DGLUCY: variants seen among roughly 807,000 people sequenced by gnomAD.
DGLUCY encodes D-glutamate cyclase.
A neutral mutation model predicts 58.5 loss-of-function variants in DGLUCY; 58 were observed. The ratio of observed to expected loss-of-function variants is 0.99; its 90% CI spans 0.80 to 1.23. The LOEUF is 1.23. Ranked by LOEUF, DGLUCY falls within the 50% of genes most tolerant of loss-of-function variation. The pLI is 0.00. For missense variants in DGLUCY, 779 were observed against 784.7 expected (o/e 0.99, Z 0.09); for synonymous variants, 325 against 314.1 (o/e 1.03, Z -0.37).
Position 91,224,811 on chromosome 14 carries a change from A to T in DGLUCY, c.1844A>T (p.Asp615Val), listed in dbSNP as rs144631642. 100 of 1,612,952 alleles carry T rather than the reference A, an allele frequency of 6.2e-5. No individual in the cohort carries two copies. The African/African-American group carries it at 1.1e-3, about 18-fold the overall frequency. ...THAEMIQKLV[D>V]VTTAQV is the part of the protein sequence containing the mutation. ...GCCGAGATGATCCAGAAGCTGGTGG[A>T]CGTCACCACGGCACAGGTGTAACCG... Residue 615 changes from aspartate (D) to valine (V), a missense_variant, in exon 14 of 14, where the codon GAC (aspartate) becomes GTC (valine). Physicochemically the swap from Asp to Val is radical, Grantham distance 152 (BLOSUM62 -3). Coordinates refer to ENST00000256324, the MANE Select transcript of DGLUCY (RefSeq NM_001102368.3).
chr14:91,210,750 C>T (rs1332843543), intron 12 of DGLUCY, among the ~76,000 whole-genome samples: 2 of 152,186 alleles, frequency 1.3e-5, no homozygotes, highest in African/African-American at 4.8e-5. Context: ...AAAAAACCTA[C>T]AGCTAACATC....
chr14:91,078,041 T>C (rs1240167235), intron 1 of DGLUCY, among the ~76,000 whole-genome samples: 2 of 152,172 alleles, frequency 1.3e-5, no homozygotes, highest in Non-Finnish European at 2.9e-5. Flanking sequence ...TTATTGTTAT[T>C]ATTATTTTTG....
rs576829747 is a variant in DGLUCY, at chr14:91,203,931, C to T, written c.1445-775C>T. Among the ~76,000 whole-genome samples, 72 of 152,314 alleles carry T rather than the reference C, an allele frequency of 4.7e-4. 1 individual carries two copies. In the East Asian group the frequency reaches 0.014, roughly 29 times the overall value. On this transcript the variant is annotated intron_variant, in intron 11 of 13. Coordinates refer to ENST00000256324, the MANE Select transcript of DGLUCY (RefSeq NM_001102368.3). ...ATCTCAAGTGATCTCCCTGCCTTGG[C>T]CTCCCAAAGTGCTGGGATTACAGGC...
intron 1 of DGLUCY, among the ~76,000 whole-genome samples, chr14:91,122,754 G>A (rs560858863): frequency 1.4e-4 from 21 of 151,746 alleles, no homozygotes; most frequent in Admixed American, 2.0e-4. Context: ...GACTGTAGGC[G>A]CCTGCCACCA....
chr14:91,089,981 A>G (rs1471092888), intron 1 of DGLUCY, among the ~76,000 whole-genome samples: 1 of 152,162 alleles, frequency 6.6e-6, no homozygotes, highest in African/African-American at 2.4e-5. Context: ...ACCTCTATGC[A>G]CCCTACATAC....
chr14:91,172,113 G>A (rs779521975), intron 5 of DGLUCY, among the ~76,000 whole-genome samples: 9 of 152,058 alleles, frequency 5.9e-5, no homozygotes, highest in South Asian at 2.1e-4. Context: ...AGTTGCCCAG[G>A]CTGGAGTGGT....
chr14:91,176,950 T>C (rs1337906642), intron 7 of DGLUCY, among the ~76,000 whole-genome samples: 3 of 151,830 alleles, frequency 2.0e-5, no homozygotes, highest in African/African-American at 7.3e-5. Context: ...TCCCTTCTTC[T>C]TTCTTCTTTC....
intron 1 of DGLUCY, among the ~76,000 whole-genome samples, chr14:91,092,477 T>C (rs961956257): frequency 2.0e-5 from 3 of 152,234 alleles, no homozygotes; most frequent in South Asian, 2.1e-4. Context: ...ATCTTGAGTA[T>C]TGGTTAGATT....
At chr14:91,166,940 C>T (rs1287617329) in intron 3 of DGLUCY, among the ~76,000 whole-genome samples, 1 of 152,120 alleles carries the variant, frequency 6.6e-6, no homozygotes, top group East Asian at 1.9e-4. Flanking sequence ...CCAACATGGG[C>T]CAATAAATAT....
At chr14:91,220,402 T>G (rs1201126927) in intron 13 of DGLUCY, 1 of 439,230 alleles carries the variant, frequency 2.3e-6, no homozygotes, top group Non-Finnish European at 4.6e-6. Context: ...ATCATCATCA[T>G]CATCCTTCTT....
chr14:91,097,286 C>T (rs915846298), intron 1 of DGLUCY, among the ~76,000 whole-genome samples: 3 of 152,104 alleles, frequency 2.0e-5, no homozygotes, highest in Non-Finnish European at 4.4e-5. Context: ...GTCCCAGCTA[C>T]TTGGGAGGCT....
At chr14:91,157,040 T>C (rs1349338084) in intron 1 of DGLUCY, among the ~76,000 whole-genome samples, 1 of 152,172 alleles carries the variant, frequency 6.6e-6, no homozygotes, top group African/African-American at 2.4e-5. Context: ...AATGGATAGA[T>C]GGATGAATGA....
At chr14:91,141,906 C>A (rs985528956) in intron 1 of DGLUCY, among the ~76,000 whole-genome samples, 4 of 148,218 alleles carry the variant, frequency 2.7e-5, no homozygotes, top group Non-Finnish European at 4.4e-5. Context: ...AGTGCAGTGG[C>A]GTGATCTCGG....
chr14:91,217,702 G>A (rs575513049), intron 13 of DGLUCY, among the ~76,000 whole-genome samples: 11 of 151,938 alleles, frequency 7.2e-5, no homozygotes, highest in South Asian at 2.1e-4. Flanking sequence ...TGGCGAGGCT[G>A]GTCTTGAACT....
At chr14:91,209,720 A>G (rs1173022300) in intron 12 of DGLUCY, among the ~76,000 whole-genome samples, 2 of 152,196 alleles carry the variant, frequency 1.3e-5, no homozygotes, top group African/African-American at 4.8e-5. Context: ...AAAACAAAAA[A>G]GAAAATAAAA....
chr14:91,068,069 A>ACATGCG (rs1555387683), intron 1 of DGLUCY, among the ~76,000 whole-genome samples: 2 of 102,154 alleles, frequency 2.0e-5, no homozygotes, highest in Non-Finnish European at 3.9e-5. Flanking sequence ...GCACACACAC[A>ACATGCG]CACGCGCACG....
chr14:91,169,886 G>A (rs1208589970), intron 4 of DGLUCY, 117 bp from the exon 5 acceptor site: 10 of 1,083,554 alleles, frequency 9.2e-6, no homozygotes, highest in Non-Finnish European at 1.4e-5. Flanking sequence ...CCTGGTGCCA[G>A]GGCTGAAAAT....
At chr14:91,113,648 CCAG>C (rs1323890713), upstream of DGLUCY, among the ~76,000 whole-genome samples, 20 of 152,174 alleles carry the variant, frequency 1.3e-4, no homozygotes, top group Admixed American at 1.3e-3. Context: ...GGCCCACGGA[CCAG>C]CAGCTGCATC....
At chr14:91,062,517 C>G (rs2043719937) in intron 1 of DGLUCY, among the ~76,000 whole-genome samples, 1 of 135,558 alleles carries the variant, frequency 7.4e-6, no homozygotes, top group Admixed American at 8.1e-5. Flanking sequence ...CATTGCACTT[C>G]AGCCTGGGCA....
Sources: gnomAD v4.1 joint callset for allele counts (sites outside exome capture counted in the v4.1 genomes callset) on GRCh38, gnomAD v4.1.1 for gene constraint, MANE v1.5 for transcripts, NCBI Gene and HGNC (gene_info 2026-07-23, HGNC 2026-07-21) for gene names.